The following ARID1B variants were observed in gnomAD, a reference collection of about 807,000 sequenced individuals.
ARID1B encodes AT-rich interaction domain 1B, also known as AT-rich interactive domain-containing protein 1B.
In ARID1B, 30 loss-of-function variants were observed where a neutral mutation model predicts 212.3. The ratio of observed to expected loss-of-function variants is 0.14; its 90% CI spans 0.11 to 0.19. The LOEUF (loss-of-function observed/expected upper bound fraction) is 0.19. ARID1B is among the 10% of genes least tolerant of loss of function. The pLI, the probability that ARID1B is intolerant of heterozygous loss-of-function variation, is 1.00. For synonymous variants in ARID1B, 1,402 were observed against 1,301.7 expected (o/e 1.08, Z -1.66); for missense variants, 2,891 against 3,204.0 (o/e 0.90, Z 2.36).
At chr6:156,932,993 C>T (rs919889489) in intron 3 of ARID1B, among the ~76,000 whole-genome samples, 1 of 152,050 alleles carries the variant, frequency 6.6e-6, no homozygotes, top group African/African-American at 2.4e-5. Flanking sequence ...CTTTTAAAGC[C>T]TTAAAGAGTG....
chr6:157,132,983 T>G, intron 6 of ARID1B, 45 bp from the exon 7 acceptor site: 1 of 1,562,804 alleles, frequency 6.4e-7, no homozygotes, highest in Non-Finnish European at 8.7e-7. Context: ...ATGCAGAGAT[T>G]ATGAAACACC....
intron 3 of ARID1B, among the ~76,000 whole-genome samples, chr6:156,930,886 G>T (rs943900100): frequency 2.0e-5 from 3 of 152,020 alleles, no homozygotes; most frequent in African/African-American, 4.8e-5. Flanking sequence ...TTGCAGAAAG[G>T]TAAATAAAAA....
chr6:156,910,229 T>C (rs959707855), intron 3 of ARID1B, among the ~76,000 whole-genome samples: 7 of 152,226 alleles, frequency 4.6e-5, no homozygotes, highest in African/African-American at 1.7e-4. Flanking sequence ...TGAGGTTTTG[T>C]AGACCACACC....
chr6:156,877,656 T>C (rs1195233021), intron 2 of ARID1B, among the ~76,000 whole-genome samples: 5 of 151,888 alleles, frequency 3.3e-5, no homozygotes, highest in African/African-American at 4.8e-5. Context: ...TGCCGGCCTC[T>C]GAAAGTTGGG....
intron 4 of ARID1B, among the ~76,000 whole-genome samples, chr6:156,980,178 A>G (rs531761245): frequency 1.7e-4 from 26 of 152,296 alleles, no homozygotes; most frequent in African/African-American, 6.0e-4. Flanking sequence ...TTTGCTAAGT[A>G]TATGTGGAAA....
chr6:156,958,597 A>G (rs1192949568), intron 4 of ARID1B, among the ~76,000 whole-genome samples: 2 of 152,234 alleles, frequency 1.3e-5, no homozygotes, highest in Non-Finnish European at 2.9e-5. Context: ...TGCAGTATGC[A>G]TTTACCCATC....
At chr6:157,096,580 CCA>C (rs1194255011) in intron 5 of ARID1B, among the ~76,000 whole-genome samples, 1 of 152,258 alleles carries the variant, frequency 6.6e-6, no homozygotes, top group Non-Finnish European at 1.5e-5. Context: ...CTCCACATTG[CCA>C]CAGTCAGAGG....
At chr6:157,131,727 A>G (rs1788563009) in intron 6 of ARID1B, among the ~76,000 whole-genome samples, 1 of 152,100 alleles carries the variant, frequency 6.6e-6, no homozygotes, top group Non-Finnish European at 1.5e-5. Context: ...ATCTCACTGT[A>G]TGGCCCAGGC....
At chr6:156,878,162 A>G (rs1461946542) in intron 2 of ARID1B, among the ~76,000 whole-genome samples, 1 of 152,046 alleles carries the variant, frequency 6.6e-6, no homozygotes, top group African/African-American at 2.4e-5. Context: ...TTGTGGTGCC[A>G]CACATTTTGA....
At position 157,200,735 on chromosome 6, in the gene ARID1B, G is replaced by A. The variant is rs1423681879; in HGVS notation, c.4510G>A (p.Gly1504Arg). The change falls in exon 18 of 20, where the codon GGG (glycine) becomes AGG (arginine). Residue 1504 changes from glycine to arginine, a missense_variant. Gly to Arg is a moderately radical substitution (Grantham distance 125, BLOSUM62 -2). Around this residue, in one of 7 missense-constraint regions of ARID1B, gnomAD observed 666 missense variants for 873.5 expected, o/e 0.76. Coordinates refer to ENST00000636930, the MANE Select transcript of ARID1B (RefSeq NM_001374828.1). The surrounding 1 kb of genome is among the most constrained non-coding windows in gnomAD (Gnocchi z 4.3). ...NYKRHMDGMY[G>R]PPAKRHEGDM... ...CAAACGCCATATGGACGGCATGTAC[G>A]GGCCCCCAGCCAAGCGCCACGAGGG... 12 of 1,612,688 alleles carry A rather than the reference G, an allele frequency of 7.4e-6. No homozygotes were observed. Among genetic ancestry groups the A allele is most frequent in the East Asian group, 6.7e-5 (3 of 44,872 alleles).
intron 8 of ARID1B, among the ~76,000 whole-genome samples, chr6:157,161,431 G>GTATATATA (rs199731974): frequency 1.8e-4 from 25 of 139,374 alleles, no homozygotes; most frequent in African/African-American, 3.9e-4. Flanking sequence ...TTGTGTGTGT[G>GTATATATA]TATATATATA....
chr6:157,186,117 T>C (rs184480000), intron 13 of ARID1B: 192 of 192,120 alleles, frequency 1.0e-3, no homozygotes, highest in Non-Finnish European at 1.6e-4. Flanking sequence ...AAAGAACTCG[T>C]GTCACTGAAT....
chr6:156,894,772 C>T (rs1222954064), intron 2 of ARID1B, among the ~76,000 whole-genome samples: 1 of 152,196 alleles, frequency 6.6e-6, no homozygotes, highest in Non-Finnish European at 1.5e-5. Context: ...TCAAAGCTCA[C>T]ATCAAGGAGG....
At chr6:156,909,100 CT>C (rs1172825641) in intron 3 of ARID1B, among the ~76,000 whole-genome samples, 3 of 134,192 alleles carry the variant, frequency 2.2e-5, no homozygotes, top group Non-Finnish European at 4.9e-5. Context: ...AAGGGCACTT[CT>C]TTTTTTTTCT....
intron 12 of ARID1B, among the ~76,000 whole-genome samples, chr6:157,182,005 T>C (rs1792576952): frequency 6.6e-6 from 1 of 152,186 alleles, no homozygotes; most frequent in Admixed American, 6.5e-5. Context: ...CCCAGCACTT[T>C]GGGAAGCCAA....
intron 1 of ARID1B, among the ~76,000 whole-genome samples, chr6:156,804,703 C>T (rs1348138192): frequency 6.6e-6 from 1 of 152,018 alleles, no homozygotes; most frequent in African/African-American, 2.4e-5. Context: ...CCCACCAAGT[C>T]CCTCCTACAA....
chr6:157,051,902 A>T lies in ARID1B; in HGVS notation c.2248-32760A>T, dbSNP rs150872269. On this transcript the variant is annotated intron_variant, in intron 4 of 19. Coordinates refer to ENST00000636930, the MANE Select transcript of ARID1B (RefSeq NM_001374828.1). ...CTTTGTAACCATATTTCATAAAAGT[A>T]TTTAAAATTCTCTTGTTATCTGTAT... Among the ~76,000 whole-genome samples, 397 of 152,334 alleles carry T rather than the reference A, an allele frequency of 2.6e-3. 4 individuals are homozygous for T. Among genetic ancestry groups the T allele is most frequent in the Middle Eastern group, 0.02 (6 of 294 alleles).
chr6:157,163,524 C>T (rs1791096754), intron 8 of ARID1B, among the ~76,000 whole-genome samples: 1 of 152,190 alleles, frequency 6.6e-6, no homozygotes, highest in African/African-American at 2.4e-5. Context: ...ATAGGATTTC[C>T]TCTGCAATGG....
At chr6:157,151,505 T>A (rs1790194825) in intron 8 of ARID1B, 1 of 152,216 alleles carries the variant, frequency 6.6e-6, no homozygotes, top group Non-Finnish European at 1.5e-5. Context: ...ATCCAACAGA[T>A]AATTTTCTGT....
Sources: allele counts gnomAD v4.1 joint callset (sites outside exome capture counted in the v4.1 genomes callset), GRCh38; gene constraint gnomAD v4.1.1; regional missense constraint gnomAD v4.1.1; non-coding constraint Gnocchi (gnomAD v3.1); transcripts MANE v1.5; gene names NCBI Gene and HGNC (gene_info 2026-07-23, HGNC 2026-07-21).